The following EIF3K variants were observed in gnomAD, a reference collection of about 807,000 sequenced individuals.
EIF3K encodes eukaryotic translation initiation factor 3 subunit K.
Under a neutral mutation model 34.2 loss-of-function variants are expected in EIF3K, and 27 were observed. The observed-to-expected ratio is 0.79, with a 90% CI of 0.58 to 1.09. EIF3K has a LOEUF of 1.09. Ranked by LOEUF, EIF3K falls within the 50% of genes least tolerant of loss-of-function variation. The pLI is 0.00. For synonymous variants in EIF3K, 105 were observed against 105.7 expected, an observed-to-expected ratio of 0.99 and a Z score of 0.04; for missense variants, 232 against 275.4, an observed-to-expected ratio of 0.84 and a Z score of 1.11.
At chr19:38,632,352 C>T (rs1976087450) in intron 4 of EIF3K, 78 bp from the exon 5 acceptor site, 2 of 1,399,266 alleles carry the variant, frequency 1.4e-6, no homozygotes, top group South Asian at 1.2e-5. Flanking sequence ...GTAGTGAGAC[C>T]CCATCTCTAT....
chr19:38,624,474 A>AGGCCTG (rs1260097208), intron 3 of EIF3K, among the ~76,000 whole-genome samples: 1 of 152,192 alleles, frequency 6.6e-6, no homozygotes, highest in Non-Finnish European at 1.5e-5. Context: ...ACAATGACTC[A>AGGCCTG]GGCCTCTAAT....
At chr19:38,623,258 C>A (rs1293088838) in intron 2 of EIF3K, among the ~76,000 whole-genome samples, 1 of 152,260 alleles carries the variant, frequency 6.6e-6, no homozygotes, top group Admixed American at 6.5e-5. Context: ...CCACGTTCTT[C>A]TGTCATGGCT....
At chr19:38,630,216 T>G (rs1413245893) in intron 4 of EIF3K, among the ~76,000 whole-genome samples, 1 of 151,636 alleles carries the variant, frequency 6.6e-6, no homozygotes, top group Non-Finnish European at 1.5e-5. Context: ...TGCAGTGATA[T>G]GATCTTGGCT....
chr19:38,620,835 G>A (rs1364722565), intron 2 of EIF3K, among the ~76,000 whole-genome samples: 3 of 151,856 alleles, frequency 2.0e-5, no homozygotes, highest in Non-Finnish European at 4.4e-5. Context: ...CGGAGATTGT[G>A]GTGAACCAAG....
chr19:38,631,515 G>A (rs1355932458), intron 4 of EIF3K, among the ~76,000 whole-genome samples: 1 of 152,206 alleles, frequency 6.6e-6, no homozygotes, highest in Admixed American at 6.5e-5. Context: ...CCCACCTCCA[G>A]CCCTAAGGCG....
intron 4 of EIF3K, among the ~76,000 whole-genome samples, chr19:38,630,235 C>A (rs1464576163): frequency 6.6e-6 from 1 of 150,736 alleles, no homozygotes; most frequent in Non-Finnish European, 1.5e-5. Context: ...CTCGCTGCAA[C>A]CTCTGCCTCC....
chr19:38,630,339 A>ATTTTTTTTTTTTTT (rs1489845622), intron 4 of EIF3K, among the ~76,000 whole-genome samples: 1 of 136,570 alleles, frequency 7.3e-6, no homozygotes, highest in African/African-American at 2.6e-5. Flanking sequence ...TTATTTATTT[A>ATTTTTTTTTTTTTT]TTTATTTATT....
At chr19:38,635,563 C>T (rs765428264) in intron 7 of EIF3K, 2 of 220,742 alleles carry the variant, frequency 9.1e-6, no homozygotes, top group Middle Eastern at 1.6e-3. Context: ...AAAATGGGGA[C>T]GACTGCAACA....
At chr19:38,623,409 T>C (rs1975883914) in intron 2 of EIF3K, among the ~76,000 whole-genome samples, 1 of 152,192 alleles carries the variant, frequency 6.6e-6, no homozygotes, top group Non-Finnish European at 1.5e-5. Context: ...CCTCAGGTGA[T>C]CCACCCGCCT....
intron 6 of EIF3K, among the ~76,000 whole-genome samples, chr19:38,634,298 G>T (rs1197628937): frequency 7.1e-6 from 1 of 140,826 alleles, no homozygotes; most frequent in Admixed American, 7.3e-5. Flanking sequence ...CAGAGATGGG[G>T]TTTCACCACG....
At position 38,623,651 on chromosome 19, in the gene EIF3K, G is replaced by A. The variant is rs1041969180; in HGVS notation, c.159-426G>A. On this transcript the variant is annotated intron_variant, in intron 2 of 7. Coordinates refer to ENST00000248342, the MANE Select transcript of EIF3K (RefSeq NM_013234.4). ...GTCCTCTTTTGCAAGGGAGGAAACC[G>A]TCAGCCCCTCAGTTTCCTTTCTCTG... Among the ~76,000 whole-genome samples, 12 of 132,912 alleles carry A rather than the reference G, an allele frequency of 9.0e-5. No homozygotes were observed. The Admixed American group carries it at 1.0e-3, about 11-fold the overall frequency. 87.2% of individuals were successfully genotyped at this position (132,912 alleles called of 152,430 possible). A position where few individuals can be genotyped will look rare whatever the true frequency, so the allele number is the denominator to read the frequency against.
At chr19:38,621,903 C>CTTTTTT (rs914363057) in intron 2 of EIF3K, among the ~76,000 whole-genome samples, 14 of 111,476 alleles carry the variant, frequency 1.3e-4, no homozygotes, top group African/African-American at 3.9e-4. Flanking sequence ...TCTTCGTGCC[C>CTTTTTT]TTTTTTTTTT....
intron 4 of EIF3K, among the ~76,000 whole-genome samples, chr19:38,630,347 A>ATTT (rs71165567): frequency 8.0e-6 from 1 of 124,322 alleles, no homozygotes; most frequent in Non-Finnish European, 1.7e-5. Flanking sequence ...TTATTTATTT[A>ATTT]TTTTTTTTTT....
intron 6 of EIF3K, 72 bp from the exon 7 acceptor site, chr19:38,634,921 T>C (rs755183050): frequency 2.1e-5 from 34 of 1,601,758 alleles, no homozygotes; most frequent in Admixed American, 5.1e-5. Context: ...GCCATGACTC[T>C]GTTGCCTCTC....
chr19:38,624,638 T>A (rs746616647), intron 3 of EIF3K, among the ~76,000 whole-genome samples: 1 of 151,980 alleles, frequency 6.6e-6, no homozygotes, highest in Non-Finnish European at 1.5e-5. Context: ...CTCAGGAGGC[T>A]GAGGCAGGAG....
At chr19:38,620,198 AC>A in intron 1 of EIF3K, 138 bp from the exon 2 acceptor site, 1 of 670,424 alleles carries the variant, frequency 1.5e-6, no homozygotes, top group Non-Finnish European at 2.7e-6. Flanking sequence ...ATAATTCACT[AC>A]CTGGATAGAG....
chr19:38,621,452 C>T (rs1044427757), intron 2 of EIF3K, among the ~76,000 whole-genome samples: 4 of 152,162 alleles, frequency 2.6e-5, no homozygotes. Context: ...CATGTACAGG[C>T]TAATACATTA....
At chr19:38,628,054 A>G (rs1045013403) in intron 4 of EIF3K, among the ~76,000 whole-genome samples, 1 of 151,630 alleles carries the variant, frequency 6.6e-6, no homozygotes, top group East Asian at 1.9e-4. Context: ...ACAGGCATGC[A>G]CCACCCCGCC....
chr19:38,624,037 G>C, intron 2 of EIF3K, 40 bp from the exon 3 acceptor site: 5 of 1,613,458 alleles, frequency 3.1e-6, no homozygotes, highest in Non-Finnish European at 4.2e-6. Context: ...TGGGGACTTG[G>C]AGGTGCCACT....
Sources: gnomAD v4.1 joint callset for allele counts (sites outside exome capture counted in the v4.1 genomes callset) on GRCh38, gnomAD v4.1.1 for gene constraint, MANE v1.5 for transcripts, NCBI Gene and HGNC (gene_info 2026-07-23, HGNC 2026-07-21) for gene names.